Variants in AASS observed in about 807,000 individuals in gnomAD.
AASS encodes the protein alpha-aminoadipic semialdehyde synthase, mitochondrial.
A neutral mutation model predicts 105.4 loss-of-function variants in AASS; 86 were observed. The ratio of observed to expected loss-of-function variants is 0.82; its 90% confidence interval spans 0.69 to 0.98. AASS has a LOEUF of 0.98. Among genes scored for constraint, AASS ranks in the 50% least tolerant of loss-of-function variants. AASS has a pLI of 0.00. For missense variants in AASS, 1,048 were observed against 1,143.2 expected, an observed-to-expected ratio of 0.92 and a Z score of 1.20; for synonymous variants, 381 against 394.8, an observed-to-expected ratio of 0.96 and a Z score of 0.41.
rs1792977142 is a variant in AASS, at chr7:122,075,846, A to C, written c.*643T>G. On this transcript the variant is annotated 3_prime_UTR_variant, in exon 24 of 24. Coordinates refer to ENST00000417368, the MANE Select transcript of AASS (RefSeq NM_005763.4). ...GCAAAAACTTAACTTAGGTAATCTG[A>C]AGGTATCTAACTGTATCAATTTTAA... The C allele has an allele frequency of 6.6e-6, 1 of 152,202 alleles. No homozygotes were observed. Among genetic ancestry groups the C allele is most frequent in the Admixed American group, 6.5e-5 (1 of 15,286 alleles). 9.4% of individuals were successfully genotyped at this position (152,202 alleles called of 1,614,324 possible).
Position 122,101,315 on chromosome 7 carries a change from A to G in AASS, c.1406+56T>C. 2.2e-6 allele frequency: 3 copies of G among 1,379,616 alleles called. No homozygotes were observed. The South Asian group carries it at 3.5e-5, about 16-fold the overall frequency. The allele number at this position is 1,379,616 out of a possible 1,614,324, so 85.5% of individuals were successfully genotyped here. The stretch of plus-strand genomic sequence containing the variant: ...CCCATTGAAGCATTAAAAAATACTC[A>G]TGAATTCCAAGATAAGAATAAATGT... On this transcript the variant is annotated intron_variant, in intron 13 of 23. Transcript: ENST00000417368.
In AASS at chr7:122,104,943, GA is replaced by G. The variant is rs151161048; in HGVS notation, c.1279-3264del. The stretch of plus-strand genomic sequence containing the variant: ...GAACCTAAAATAAAAGTTGCAAAGA[GA>G]AAAAAAAAATAAGCTCTCACTATAT... On this transcript the variant is annotated intron_variant, in intron 11 of 23. Coordinates refer to ENST00000417368, the MANE Select transcript of AASS (RefSeq NM_005763.4). 4.8e-3 allele frequency among the ~76,000 whole-genome samples: 702 copies of G among 147,710 alleles called. 7 individuals carry two copies. Among genetic ancestry groups the G allele is most frequent in the African/African-American group, 0.016 (655 of 40,328 alleles).
At chr7:122,081,122 G>A (rs1324330648) in intron 20 of AASS, among the ~76,000 whole-genome samples, 3 of 152,182 alleles carry the variant, frequency 2.0e-5, no homozygotes, top group African/African-American at 7.2e-5. Context: ...TGGAAATCCA[G>A]TTCTGTAATA....
chr7:122,134,890 A>G (rs902923365), intron 1 of AASS, among the ~76,000 whole-genome samples: 2 of 152,208 alleles, frequency 1.3e-5, no homozygotes, highest in African/African-American at 4.8e-5. Context: ...TCCATCAGTG[A>G]TAGACTGGAT....
intron 19 of AASS, among the ~76,000 whole-genome samples, chr7:122,085,741 T>C (rs1307249984): frequency 6.6e-6 from 1 of 152,158 alleles, no homozygotes; most frequent in African/African-American, 2.4e-5. Context: ...GCTGAGACGT[T>C]ACGAGAAGTC....
chr7:122,106,343 A>G (rs1455006342), intron 11 of AASS, among the ~76,000 whole-genome samples: 1 of 152,120 alleles, frequency 6.6e-6, no homozygotes, highest in African/African-American at 2.4e-5. Flanking sequence ...AGCAATTTAT[A>G]GATTCAATGC....
chr7:122,082,143 T>G (rs1793364687), intron 19 of AASS, among the ~76,000 whole-genome samples: 1 of 152,118 alleles, frequency 6.6e-6, no homozygotes, highest in South Asian at 2.1e-4. Context: ...GAGGTAGGAA[T>G]CAGAGATTTT....
intron 2 of AASS, among the ~76,000 whole-genome samples, chr7:122,131,009 T>C (rs1033926863): frequency 7.3e-6 from 1 of 136,064 alleles, no homozygotes; most frequent in Non-Finnish European, 1.6e-5. Flanking sequence ...AATATGTAAA[T>C]ACACACACAG....
At chr7:122,125,393 AAATTT>A (rs1795612356) in intron 4 of AASS, among the ~76,000 whole-genome samples, 1 of 152,154 alleles carries the variant, frequency 6.6e-6, no homozygotes, top group African/African-American at 2.4e-5. Flanking sequence ...ACATGAACAT[AAATTT>A]AATTTATTTA....
chr7:122,142,060 A>T (rs1379965033), intron 1 of AASS, among the ~76,000 whole-genome samples: 1 of 152,208 alleles, frequency 6.6e-6, no homozygotes, highest in Non-Finnish European at 1.5e-5. Flanking sequence ...TGGACCAGGA[A>T]CCAAGAGCTT....
In AASS at chr7:122,143,666, G is replaced by A. The variant is rs73426065; in HGVS notation, c.-16+495C>T. On this transcript the variant is annotated intron_variant, in intron 1 of 23. Transcript: ENST00000417368. ...GTTTGTGATCAGTTTGGCTAAGCTG[G>A]GCGTGGGGAGGGAAGGGGGAAAGAA... Among the ~76,000 whole-genome samples, 575 of 151,828 alleles carry A rather than the reference G, an allele frequency of 3.8e-3. 3 individuals are homozygous for A. The highest frequency in any genetic ancestry group is 0.013 in the African/African-American group (546 of 41,416).
At chr7:122,087,794 G>A (rs1435229168) in intron 18 of AASS, among the ~76,000 whole-genome samples, 1 of 152,136 alleles carries the variant, frequency 6.6e-6, no homozygotes, top group African/African-American at 2.4e-5. Flanking sequence ...TTGTTTGAAA[G>A]TCAGGAAAAT....
intron 2 of AASS, 34 bp from the exon 3 acceptor site, chr7:122,129,571 C>T: frequency 1.2e-6 from 2 of 1,600,820 alleles, no homozygotes; most frequent in Non-Finnish European, 8.5e-7. Context: ...GGTTATTATC[C>T]TGATTTGTAA....
chr7:122,082,684 A>G, intron 19 of AASS: 1 of 529,860 alleles, frequency 1.9e-6, no homozygotes, highest in South Asian at 1.9e-5. Context: ...TGGTGAACAA[A>G]AATGCGTCAC....
At chr7:122,123,521 G>T (rs915432681) in intron 4 of AASS, among the ~76,000 whole-genome samples, 3 of 152,192 alleles carry the variant, frequency 2.0e-5, no homozygotes, top group Non-Finnish European at 2.9e-5. Flanking sequence ...CAGATGGAGG[G>T]CACATGGTTT....
chr7:122,084,747 G>T (rs1793542787), intron 19 of AASS, among the ~76,000 whole-genome samples: 1 of 152,042 alleles, frequency 6.6e-6, no homozygotes, highest in South Asian at 2.1e-4. Context: ...GCAGGCACAA[G>T]ATTGAAGGGT....
intron 15 of AASS, among the ~76,000 whole-genome samples, chr7:122,094,890 C>A (rs1011754366): frequency 3.9e-5 from 6 of 151,922 alleles, no homozygotes; most frequent in African/African-American, 1.4e-4. Flanking sequence ...TTTGACACTT[C>A]CTGATAGCCA....
intron 4 of AASS, among the ~76,000 whole-genome samples, chr7:122,122,622 G>A (rs1357049075): frequency 6.6e-6 from 1 of 152,190 alleles, no homozygotes; most frequent in African/African-American, 2.4e-5. Flanking sequence ...TGACAGAGAT[G>A]CTGGTCAATG....
At position 122,129,346 on chromosome 7, in the gene AASS, T is replaced by C; in HGVS notation, c.387+15A>G. The stretch of plus-strand genomic sequence containing the variant: ...TTTTCTACATTAATATTTATAAATA[T>C]TAATCACTAATTACCTGTTTTAGAA... On this transcript the variant is annotated intron_variant, in intron 3 of 23. Coordinates refer to ENST00000417368, the MANE Select transcript of AASS (RefSeq NM_005763.4). The C allele has an allele frequency of 6.6e-7, 1 of 1,512,738 alleles. No individual in the cohort carries two copies. The highest frequency in any genetic ancestry group is 8.9e-7 in the Non-Finnish European group (1 of 1,119,342). 93.7% of individuals were successfully genotyped at this position (1,512,738 alleles called of 1,614,324 possible). A position where few individuals can be genotyped will look rare whatever the true frequency, so the allele number is the denominator to read the frequency against.
Sources: gnomAD v4.1 joint callset for allele counts (sites outside exome capture counted in the v4.1 genomes callset) on GRCh38, gnomAD v4.1.1 for gene constraint, MANE v1.5 for transcripts, NCBI Gene and HGNC (gene_info 2026-07-23, HGNC 2026-07-21) for gene names.